The following PDZD7 variants were observed in gnomAD, a reference collection of about 807,000 sequenced individuals.
The protein encoded by PDZD7 is PDZ domain containing 7, also known as PDZ domain-containing protein 7.
In PDZD7, 72 loss-of-function variants were observed where a neutral mutation model predicts 84.7. The observed-to-expected ratio is 0.85, with a 90% CI of 0.70 to 1.03. The LOEUF is 1.03. PDZD7 is among the 50% of genes least tolerant of loss of function. The pLI is 0.00. For missense variants in PDZD7, 1,490 were observed against 1,412.9 expected, an observed-to-expected ratio of 1.05 and a Z score of -0.87; for synonymous variants, 594 against 580.7, an observed-to-expected ratio of 1.02 and a Z score of -0.33.
At chr10:101,011,092 G>T in intron 14 of PDZD7, 2 of 1,408,546 alleles carry the variant, frequency 1.4e-6, no homozygotes, top group South Asian at 3.1e-5. Flanking sequence ...TGTTGCCCAG[G>T]CGTGGTGGCG....
intron 2 of PDZD7, among the ~76,000 whole-genome samples, chr10:101,029,012 C>T (rs1937888200): frequency 6.6e-6 from 1 of 152,216 alleles, no homozygotes; most frequent in Non-Finnish European, 1.5e-5. Flanking sequence ...AGGGCCTGAA[C>T]AGTCCAGTCT....
At chr10:101,014,965 T>A (rs1472954972) in intron 11 of PDZD7, among the ~76,000 whole-genome samples, 6 of 152,246 alleles carry the variant, frequency 3.9e-5, no homozygotes, top group African/African-American at 1.4e-4. Context: ...GGAGAGGACC[T>A]GCCAGTCCTG....
In PDZD7 at chr10:101,018,818, G is replaced by A. The variant is rs1256084360; in HGVS notation, c.1324+4C>T. 2 of 1,587,462 alleles carry A rather than the reference G, an allele frequency of 1.3e-6. No homozygotes were observed. Among genetic ancestry groups the A allele is most frequent in the Non-Finnish European group, 1.7e-6 (2 of 1,164,170 alleles). ...GGAGCAGCCGCCACCCATCCCCCAC[G>A]TACCCCACAAGGTCAGATAGCTCTG... is the stretch of plus-strand genomic sequence containing the variant. On this transcript the variant is annotated splice_donor_region_variant and intron_variant, in intron 8 of 16. Transcript: ENST00000619208.
intron 11 of PDZD7, among the ~76,000 whole-genome samples, chr10:101,013,672 G>GTA (rs1414497787): frequency 6.6e-6 from 1 of 152,186 alleles, no homozygotes; most frequent in Non-Finnish European, 1.5e-5. Flanking sequence ...TGTGCAGGTT[G>GTA]TAACCTGTAT....
intron 2 of PDZD7, among the ~76,000 whole-genome samples, chr10:101,026,650 T>G (rs12416218): frequency 0.22 from 32,135 of 143,382 alleles, 4,269 homozygotes; most frequent in East Asian, 0.35. Context: ...TAGAGGTGTT[T>G]GACAGGGAGA....
Position 101,018,118 on chromosome 10 carries a change from A to C in PDZD7, c.1503T>G (p.Pro501=). ...ACTTACCTTTCTCTATGTCCAGGCG[A>C]GGGTAAGTTTTGGCCAGGCTCCCGC... is the stretch of plus-strand genomic sequence containing the variant. ...LDSGSLAKTY[P]RLDIEKAGGV... Residue 501 remains proline, a synonymous_variant, in exon 9 of 17, where the codon CCT becomes CCG. Transcript: ENST00000619208. 6.2e-7 allele frequency: 1 copy of C among 1,614,050 alleles called. No individual in the cohort carries two copies. Among genetic ancestry groups the C allele is most frequent in the Non-Finnish European group, 8.5e-7 (1 of 1,180,026 alleles).
At position 101,011,735 on chromosome 10, in the gene PDZD7, G is replaced by A. The variant is rs573956926; in HGVS notation, c.1960C>T (p.Arg654Trp). ...AVRPPALRPA[R>W]QDTPPKRHLI... ...TGACGCTTGGGTGGCGTGTCCTGCC[G>A]GGCTGGTCTCAAAGCAGGAGGCCGG... The change falls in exon 14 of 17, where the codon CGG becomes TGG. Residue 654 changes from arginine (R) to tryptophan (W), a missense_variant. Physicochemically the swap from Arg to Trp is moderately radical, Grantham distance 101. Transcript: ENST00000619208. 22 of 1,546,742 alleles carry A rather than the reference G, an allele frequency of 1.4e-5. No individual in the cohort carries two copies. In the South Asian group the frequency reaches 1.5e-4, roughly 11 times the overall value.
chr10:101,015,281 C>G (rs542274511), intron 11 of PDZD7, among the ~76,000 whole-genome samples: 2 of 152,284 alleles, frequency 1.3e-5, no homozygotes, highest in South Asian at 4.1e-4. Context: ...TGGCACCTGT[C>G]CGCTCCTTCT....
intron 4 of PDZD7, 105 bp downstream of exon 4, chr10:101,023,331 G>T: frequency 7.1e-7 from 1 of 1,401,940 alleles, no homozygotes; most frequent in Non-Finnish European, 1.0e-6. Context: ...CTGAGCCAGC[G>T]AGCAGGAGGA....
intron 9 of PDZD7, among the ~76,000 whole-genome samples, chr10:101,017,128 C>T (rs1041413740): frequency 3.3e-5 from 5 of 152,170 alleles, no homozygotes; most frequent in East Asian, 1.9e-4. Flanking sequence ...CACATCACAG[C>T]GATTTATTCT....
intron 2 of PDZD7, among the ~76,000 whole-genome samples, chr10:101,025,573 A>G (rs1937638181): frequency 7.0e-6 from 1 of 141,930 alleles, no homozygotes; most frequent in African/African-American, 2.8e-5. Flanking sequence ...TCTGAGACAG[A>G]GTCTCGCTCT....
intron 7 of PDZD7, 57 bp downstream of exon 7, chr10:101,020,561 C>T (rs1451032538): frequency 5.9e-5 from 90 of 1,526,356 alleles, no homozygotes; most frequent in Non-Finnish European, 7.8e-5. Flanking sequence ...GAGAGCCGGG[C>T]CCCACCCTAA....
At chr10:101,025,611 G>A (rs987179149) in intron 2 of PDZD7, among the ~76,000 whole-genome samples, 10 of 148,820 alleles carry the variant, frequency 6.7e-5, no homozygotes, top group South Asian at 2.1e-4. Context: ...GCAGTGGTGC[G>A]ATCTCAGCTC....
rs775819383 is a variant in PDZD7, at chr10:101,010,652, A to T, written c.2237T>A (p.Leu746Gln). The change falls in exon 15 of 17, where the codon CTG becomes CAG. Residue 746 changes from leucine to glutamine, a missense_variant. By Grantham distance (113) the Leu-to-Gln change is moderately radical. Coordinates refer to ENST00000619208, the MANE Select transcript of PDZD7 (RefSeq NM_001195263.2). ...PQLPPVAPRP[L>Q]RPNWLLTEPL... Reference sequence around the variant, plus strand: ...TTCTGTCAGCAGCCAGTTAGGCCGCAGGGGCCGGGGAGCCACGGGGGGTAG... The same window carrying T: ...TTCTGTCAGCAGCCAGTTAGGCCGCTGGGGCCGGGGAGCCACGGGGGGTAG... 21 of 1,404,970 alleles carry T rather than the reference A, an allele frequency of 1.5e-5. No homozygotes were observed. The highest frequency in any genetic ancestry group is 3.8e-4 in the Middle Eastern group (2 of 5,290). 87.0% of individuals were successfully genotyped at this position (1,404,970 alleles called of 1,614,324 possible).
At chr10:101,021,542 C>T (rs1392783739) in intron 6 of PDZD7, among the ~76,000 whole-genome samples, 2 of 152,152 alleles carry the variant, frequency 1.3e-5, no homozygotes, top group East Asian at 1.9e-4. Flanking sequence ...AAGAAGGGGG[C>T]ACCACTCTAG....
rs149282897 is a variant in PDZD7 at position 101,023,484 on chromosome 10, C to A, written c.494G>T (p.Arg165Leu). Residue 165 changes from arginine to leucine, a missense_variant, in exon 4 of 17, where the codon CGC (arginine) becomes CTC (leucine). Physicochemically the swap from Arg to Leu is moderately radical, Grantham distance 102. Transcript: ENST00000619208. ...SSSRLHMMVR[R>L]MGRVPGIKFS... Reference sequence around the variant, plus strand: ...CTTGATGCCCGGCACACGGCCCATGCGCCGAACCATCATGTGCAGGCGGCT... The same window carrying A: ...CTTGATGCCCGGCACACGGCCCATGAGCCGAACCATCATGTGCAGGCGGCT... 9.9e-6 allele frequency: 16 copies of A among 1,613,970 alleles called. No individual in the cohort carries two copies. In the African/African-American group the frequency reaches 1.5e-4, roughly 15 times the overall value.
intron 2 of PDZD7, among the ~76,000 whole-genome samples, chr10:101,028,109 T>C (rs1937825447): frequency 6.6e-6 from 1 of 152,164 alleles, no homozygotes; most frequent in African/African-American, 2.4e-5. Context: ...GAGATACCTG[T>C]TCTCAGGCAG....
intron 16 of PDZD7, 94 bp downstream of exon 16, chr10:101,009,156 A>T: frequency 8.4e-7 from 1 of 1,192,598 alleles, no homozygotes; most frequent in Non-Finnish European, 1.2e-6. Flanking sequence ...CCCGGGCTAA[A>T]CATGTCTGGC....
intron 2 of PDZD7, among the ~76,000 whole-genome samples, chr10:101,026,516 A>T (rs1356671632): frequency 6.6e-6 from 1 of 151,730 alleles, no homozygotes; most frequent in Non-Finnish European, 1.5e-5. Context: ...AGGGGGAAAG[A>T]GCCAGGGAGG....
Sources: gnomAD v4.1 joint callset for allele counts (sites outside exome capture counted in the v4.1 genomes callset) on GRCh38, gnomAD v4.1.1 for gene constraint, MANE v1.5 for transcripts, NCBI Gene and HGNC (gene_info 2026-07-23, HGNC 2026-07-21) for gene names.